Variants in PDE4B observed in about 807,000 individuals in gnomAD.
PDE4B encodes phosphodiesterase 4B.
In PDE4B, 20 loss-of-function variants were observed where a neutral mutation model predicts 82.2. The observed-to-expected ratio is 0.24, with a 90% CI of 0.17 to 0.35. The LOEUF is 0.35. Among genes scored for constraint, PDE4B ranks in the 10% least tolerant of loss-of-function variants. PDE4B has a pLI of 1.00. For missense variants in PDE4B, 655 were observed against 907.2 expected, an observed-to-expected ratio of 0.72 and a Z score of 3.57; for synonymous variants, 320 against 318.9, an observed-to-expected ratio of 1.00 and a Z score of -0.04.
At chr1:66,261,916 G>T (rs768543795) in intron 6 of PDE4B, among the ~76,000 whole-genome samples, 1 of 152,318 alleles carries the variant, frequency 6.6e-6, no homozygotes, top group South Asian at 2.1e-4. Flanking sequence ...AATCAGGTGC[G>T]CAAGTGAGTG....
At chr1:66,316,312 C>T (rs1659025858) in intron 7 of PDE4B, among the ~76,000 whole-genome samples, 1 of 152,180 alleles carries the variant, frequency 6.6e-6, no homozygotes, top group Non-Finnish European at 1.5e-5. Context: ...TCAAGGAAAT[C>T]TTCCAAACTA....
intron 7 of PDE4B, among the ~76,000 whole-genome samples, chr1:66,276,451 T>C (rs1486729748): frequency 6.6e-6 from 1 of 152,230 alleles, no homozygotes; most frequent in East Asian, 1.9e-4. Context: ...TCAGATGTTA[T>C]AGCTTATCAA....
At chr1:66,365,393 C>A (rs1309858288) in intron 12 of PDE4B, among the ~76,000 whole-genome samples, 1 of 152,128 alleles carries the variant, frequency 6.6e-6, no homozygotes, top group East Asian at 1.9e-4. Context: ...AAACATTAGA[C>A]GTTTACACAC....
chr1:66,359,816 T>C (rs560345302), intron 9 of PDE4B, among the ~76,000 whole-genome samples: 5 of 152,324 alleles, frequency 3.3e-5, no homozygotes, highest in Admixed American at 2.0e-4. Flanking sequence ...TTCAAACTAA[T>C]ATAATATATA....
chr1:66,081,984 G>C (rs1440044399), intron 3 of PDE4B, among the ~76,000 whole-genome samples: 1 of 151,972 alleles, frequency 6.6e-6, no homozygotes. Context: ...GAAGCTTTTA[G>C]TGAAATACTC....
chr1:65,993,882 G>A (rs1320280538), intron 3 of PDE4B, among the ~76,000 whole-genome samples: 1 of 152,122 alleles, frequency 6.6e-6, no homozygotes, highest in African/African-American at 2.4e-5. Flanking sequence ...TACAAGGTAT[G>A]TAAATATAGT....
At chr1:66,081,832 C>CTGTGTGTG (rs1242686089) in intron 3 of PDE4B, among the ~76,000 whole-genome samples, 5 of 125,192 alleles carry the variant, frequency 4.0e-5, no homozygotes, top group East Asian at 2.6e-4. Context: ...CTCTCTCTCT[C>CTGTGTGTG]TGTGTGTGTG....
intron 4 of PDE4B, among the ~76,000 whole-genome samples, chr1:66,255,998 T>C (rs2101698820): frequency 6.6e-6 from 1 of 152,250 alleles, no homozygotes; most frequent in South Asian, 2.1e-4. Flanking sequence ...ACTCTGCCTC[T>C]ACAGAAAAAT....
At chr1:66,298,764 G>C (rs534312150) in intron 7 of PDE4B, among the ~76,000 whole-genome samples, 23 of 152,240 alleles carry the variant, frequency 1.5e-4, no homozygotes, top group Admixed American at 3.3e-4. Flanking sequence ...GTTCCATACA[G>C]TGGAACTTGA....
intron 3 of PDE4B, among the ~76,000 whole-genome samples, chr1:66,066,906 CT>C (rs1445365910): frequency 3.3e-5 from 5 of 151,926 alleles, no homozygotes; most frequent in Non-Finnish European, 1.5e-5. Context: ...AGATTAAAAC[CT>C]CACAAGATTA....
At chr1:65,996,556 ATGT>A (rs1357978783) in intron 3 of PDE4B, among the ~76,000 whole-genome samples, 2 of 152,104 alleles carry the variant, frequency 1.3e-5, no homozygotes, top group East Asian at 3.8e-4. Context: ...TTTTACTAGA[ATGT>A]CTGCATATGT....
In PDE4B at chr1:66,181,575, C is replaced by T. The variant is rs868642089; in HGVS notation, c.282-65885C>T. On this transcript the variant is annotated intron_variant, in intron 3 of 16. Transcript: ENST00000341517. ...TTGTTTCTGTGTTTCTTACCCTTGG[C>T]CAGGTTGACTTTCTACATTGAATAG... Among the ~76,000 whole-genome samples the T allele has an allele frequency of 9.2e-5, 14 of 152,178 alleles. No individual in the cohort carries two copies. The South Asian group carries it at 1.2e-3, about 14-fold the overall frequency.
intron 3 of PDE4B, among the ~76,000 whole-genome samples, chr1:66,043,258 A>T (rs955817870): frequency 6.6e-6 from 1 of 151,826 alleles, no homozygotes; most frequent in African/African-American, 2.4e-5. Context: ...AATTTTTTTT[A>T]AAAGTGAAAT....
intron 3 of PDE4B, among the ~76,000 whole-genome samples, chr1:65,972,191 G>A (rs1358538060): frequency 6.6e-6 from 1 of 152,282 alleles, no homozygotes; most frequent in Non-Finnish European, 1.5e-5. Context: ...GCATAGAAGT[G>A]TGTTTTAATG....
intron 6 of PDE4B, among the ~76,000 whole-genome samples, chr1:66,260,106 A>G (rs1209563744): frequency 6.6e-6 from 1 of 152,216 alleles, no homozygotes; most frequent in Non-Finnish European, 1.5e-5. Context: ...GTGGTGTAAC[A>G]CTTTGGGGTT....
intron 3 of PDE4B, among the ~76,000 whole-genome samples, chr1:66,087,089 T>C (rs1233697406): frequency 1.3e-5 from 2 of 152,128 alleles, no homozygotes; most frequent in Non-Finnish European, 2.9e-5. Flanking sequence ...TATTCACGTA[T>C]TGCAAAAGAT....
intron 4 of PDE4B, among the ~76,000 whole-genome samples, chr1:66,249,683 GC>G: frequency 1.3e-5 from 1 of 77,954 alleles, no homozygotes; most frequent in East Asian, 3.5e-4. Context: ...CCCACCCCCT[GC>G]CCCCAGTAAC....
rs183135727 is a variant in PDE4B, at chr1:65,807,587, G to A, written c.-71+14339G>A. On this transcript the variant is annotated intron_variant, in intron 1 of 16. Transcript: ENST00000341517. ...CCAATGTATGGTTTCACCAACTGTC[G>A]ATTGTAGTGCTAGTTTCCTCCTATC... is the stretch of plus-strand genomic sequence containing the variant. Among the ~76,000 whole-genome samples, 635 of 152,276 alleles carry A rather than the reference G, an allele frequency of 4.2e-3. 2 individuals carry two copies. The highest frequency in any genetic ancestry group is 0.02 in the Middle Eastern group (6 of 294).
intron 1 of PDE4B, among the ~76,000 whole-genome samples, chr1:65,883,808 C>A (rs1344714911): frequency 6.6e-6 from 1 of 152,064 alleles, no homozygotes; most frequent in Non-Finnish European, 1.5e-5. Flanking sequence ...ATAAATATCT[C>A]TTATTATTTT....
Sources: gnomAD v4.1 joint callset for allele counts (sites outside exome capture counted in the v4.1 genomes callset) on GRCh38, gnomAD v4.1.1 for gene constraint, MANE v1.5 for transcripts, NCBI Gene and HGNC (gene_info 2026-07-23, HGNC 2026-07-21) for gene names.